Variants in EAF2 observed in about 807,000 individuals in gnomAD.
EAF2 encodes ELL-associated factor 2.
In EAF2, 29 loss-of-function variants were observed where a neutral mutation model predicts 29.4. That is an observed-to-expected ratio of 0.99 (90% confidence interval 0.73 to 1.35). The LOEUF is 1.35. Among genes scored for constraint, EAF2 ranks in the 40% most tolerant of loss-of-function variants. The pLI, the probability that EAF2 is intolerant of heterozygous loss-of-function variation, is 0.00. For synonymous variants in EAF2, 103 were observed against 102.5 expected (o/e 1.00, Z -0.03); for missense variants, 292 against 312.0 (o/e 0.94, Z 0.48).
At chr3:121,853,270 T>C (rs1708663291) in intron 2 of EAF2, among the ~76,000 whole-genome samples, 1 of 149,606 alleles carries the variant, frequency 6.7e-6, no homozygotes, top group African/African-American at 2.5e-5. Flanking sequence ...CACAATTTTG[T>C]GATGATCTCA....
chr3:121,844,091 T>G (rs1332048422), intron 1 of EAF2, among the ~76,000 whole-genome samples: 1 of 152,136 alleles, frequency 6.6e-6, no homozygotes, highest in African/African-American at 2.4e-5. Flanking sequence ...AAAAAAGGAC[T>G]GAAAATTGAA....
intron 5 of EAF2, among the ~76,000 whole-genome samples, chr3:121,880,783 G>A (rs2107548874): frequency 6.6e-6 from 1 of 152,188 alleles, no homozygotes; most frequent in East Asian, 1.9e-4. Context: ...TGGTGAGAGT[G>A]CGCATCCTTA....
At chr3:121,878,281 A>T (rs1225619938) in intron 5 of EAF2, among the ~76,000 whole-genome samples, 1 of 152,140 alleles carries the variant, frequency 6.6e-6, no homozygotes, top group African/African-American at 2.4e-5. Context: ...AAAATTATTG[A>T]TATACAATAT....
intron 5 of EAF2, among the ~76,000 whole-genome samples, chr3:121,885,701 T>C (rs1168552893): frequency 6.6e-6 from 1 of 152,206 alleles, no homozygotes; most frequent in African/African-American, 2.4e-5. Flanking sequence ...TTTCTTCCTA[T>C]ATTTGGATCT....
intron 1 of EAF2, among the ~76,000 whole-genome samples, chr3:121,836,463 C>T (rs1226972521): frequency 6.6e-6 from 1 of 152,168 alleles, no homozygotes; most frequent in Non-Finnish European, 1.5e-5. Context: ...GTTATAGTTA[C>T]TCAAAGTAAA....
rs183180440 is a variant in EAF2, at chr3:121,846,102, C to T, written c.201+1555C>T. ...GTAATGGGGTGGTTTTGTGCTAGTC[C>T]GTCCACATTCTCCTTTATGCATTAA... On this transcript the variant is annotated intron_variant, in intron 2 of 5. Transcript: ENST00000273668. Among the ~76,000 whole-genome samples the T allele has an allele frequency of 4.1e-3, 624 of 151,990 alleles. 2 individuals carry two copies. The highest frequency in any genetic ancestry group is 6.9e-3 in the Non-Finnish European group (468 of 67,968).
rs544865756 is a variant in EAF2 at position 121,839,254 on chromosome 3, G to A, written c.106+3863G>A. Among the ~76,000 whole-genome samples the A allele has an allele frequency of 5.3e-5, 8 of 152,184 alleles. 1 individual carries two copies. The South Asian group carries it at 1.0e-3, about 20-fold the overall frequency. ...TCTTTAAAAATCAGATGATAAGCTG[G>A]CAACATTGATCCCATATCTTCTCTT... On this transcript the variant is annotated intron_variant, in intron 1 of 5. Coordinates refer to ENST00000273668, the MANE Select transcript of EAF2 (RefSeq NM_018456.6).
intron 1 of EAF2, among the ~76,000 whole-genome samples, chr3:121,843,729 T>C (rs1224424569): frequency 6.6e-6 from 1 of 152,142 alleles, no homozygotes; most frequent in Non-Finnish European, 1.5e-5. Flanking sequence ...TCCTAGATGA[T>C]AGATTTTAAT....
At chr3:121,836,725 G>A (rs1000708659) in intron 1 of EAF2, 8 of 987,590 alleles carry the variant, frequency 8.1e-6, no homozygotes, top group Middle Eastern at 2.8e-4. Context: ...TGTGATATGC[G>A]TCTTTATCTG....
intron 1 of EAF2, 58 bp from the exon 2 acceptor site, chr3:121,844,395 T>A: frequency 9.3e-7 from 1 of 1,077,504 alleles, no homozygotes; most frequent in Non-Finnish European, 1.4e-6. Flanking sequence ...ATGCTCATAA[T>A]TTTTATATCC....
chr3:121,860,245 A>G (rs1043554057), intron 4 of EAF2, among the ~76,000 whole-genome samples: 1 of 152,292 alleles, frequency 6.6e-6, no homozygotes, highest in East Asian at 1.9e-4. Context: ...AGAAGGAATG[A>G]TACCAGCCCC....
At chr3:121,838,088 T>A (rs1189885924) in intron 1 of EAF2, among the ~76,000 whole-genome samples, 1 of 152,194 alleles carries the variant, frequency 6.6e-6, no homozygotes, top group African/African-American at 2.4e-5. Context: ...TGGATTCTTA[T>A]GAAAATATTG....
chr3:121,837,094 C>A (rs1444441847), intron 1 of EAF2, among the ~76,000 whole-genome samples: 1 of 152,070 alleles, frequency 6.6e-6, no homozygotes. Flanking sequence ...AATAAATAAA[C>A]AAACATACAT....
intron 5 of EAF2, among the ~76,000 whole-genome samples, chr3:121,879,707 T>C: frequency 6.6e-6 from 1 of 151,990 alleles, no homozygotes; most frequent in East Asian, 1.9e-4. Flanking sequence ...GGTGACTTTG[T>C]GAAAAATCAA....
chr3:121,868,573 G>A (rs1402570716), intron 4 of EAF2, among the ~76,000 whole-genome samples: 1 of 152,142 alleles, frequency 6.6e-6, no homozygotes, highest in Non-Finnish European at 1.5e-5. Context: ...ACTGCAGCTT[G>A]GGTGACAGAG....
intron 4 of EAF2, among the ~76,000 whole-genome samples, chr3:121,871,816 T>G (rs576208037): frequency 6.6e-6 from 1 of 151,984 alleles, no homozygotes; most frequent in Non-Finnish European, 1.5e-5. Flanking sequence ...AGTCAGTAGA[T>G]TTGCCTCCAC....
At chr3:121,836,238 A>AT (rs1434406768) in intron 1 of EAF2, 1 of 152,198 alleles carries the variant, frequency 6.6e-6, no homozygotes, top group African/African-American at 2.4e-5. Flanking sequence ...ATAACTTCTC[A>AT]TTTTTCTGTG....
intron 4 of EAF2, among the ~76,000 whole-genome samples, chr3:121,858,447 G>T (rs948200676): frequency 3.3e-5 from 5 of 152,170 alleles, no homozygotes; most frequent in Admixed American, 6.5e-5. Context: ...TCATGTGTCT[G>T]TTGGCTGCAT....
intron 5 of EAF2, 172 bp downstream of exon 5, chr3:121,872,960 C>A: frequency 1.9e-6 from 2 of 1,056,254 alleles, no homozygotes; most frequent in Non-Finnish European, 2.8e-6. Flanking sequence ...TGACATAATG[C>A]CTTCTTGGTT....
Sources: gnomAD v4.1 joint callset for allele counts (sites outside exome capture counted in the v4.1 genomes callset) on GRCh38, gnomAD v4.1.1 for gene constraint, MANE v1.5 for transcripts, NCBI Gene and HGNC (gene_info 2026-07-23, HGNC 2026-07-21) for gene names.